Variants in PCDH7 observed in about 807,000 individuals in gnomAD.
The protein encoded by PCDH7 is protocadherin-7.
In PCDH7, 17 loss-of-function variants were observed where a neutral mutation model predicts 58.9. The observed-to-expected ratio is 0.29, with a 90% confidence interval of 0.20 to 0.43. The LOEUF (loss-of-function observed/expected upper bound fraction) is 0.43. PCDH7 is among the 20% of genes least tolerant of loss of function. The pLI, the probability that PCDH7 is intolerant of heterozygous loss-of-function variation, is 1.00. For missense variants in PCDH7, 1,274 were observed against 1,441.0 expected, an observed-to-expected ratio of 0.88 and a Z score of 1.88; for synonymous variants, 664 against 616.4, an observed-to-expected ratio of 1.08 and a Z score of -1.14.
In PCDH7 at chr4:31,052,455, T is replaced by C. The variant is rs868708144; in HGVS notation, c.*8-90018T>C. ...TTTTTAAAGTTTTATTGAGAGGTGG[T>C]AGATTAAATAATGCAATGAATTCAA... On this transcript the variant is annotated intron_variant, in intron 3 of 3. Transcript: ENST00000509759. Among the ~76,000 whole-genome samples, 8 of 152,290 alleles carry C rather than the reference T, an allele frequency of 5.3e-5. No homozygotes were observed. The South Asian group carries it at 6.2e-4, about 12-fold the overall frequency.
At chr4:30,752,321 A>C (rs1000522298) in intron 1 of PCDH7, among the ~76,000 whole-genome samples, 1 of 151,948 alleles carries the variant, frequency 6.6e-6, no homozygotes, top group Non-Finnish European at 1.5e-5. Context: ...TTTAGTAGAG[A>C]CGGGGTTTCA....
intron 1 of PCDH7, among the ~76,000 whole-genome samples, chr4:30,897,504 TATAAA>T (rs1739604081): frequency 6.6e-6 from 1 of 152,216 alleles, no homozygotes; most frequent in Non-Finnish European, 1.5e-5. Flanking sequence ...CCTTTGTTAA[TATAAA>T]ATAAGGGATT....
intron 3 of PCDH7, among the ~76,000 whole-genome samples, chr4:31,039,929 T>G (rs78676317): frequency 7.3e-4 from 111 of 152,232 alleles, no homozygotes; most frequent in Non-Finnish European, 1.0e-3. Context: ...TGTTCTCCCC[T>G]CATGTAGAAT....
chr4:31,123,865 T>C (rs1717976304), intron 3 of PCDH7, among the ~76,000 whole-genome samples: 1 of 151,922 alleles, frequency 6.6e-6, no homozygotes, highest in Admixed American at 6.6e-5. Context: ...GAGGACAAAC[T>C]CCTCTCCAAC....
At position 30,721,871 on chromosome 4, in the gene PCDH7, T is replaced by G. The variant is rs927532881; in HGVS notation, c.449T>G (p.Leu150Arg). The G allele has an allele frequency of 6.2e-6, 10 of 1,603,066 alleles. No homozygotes were observed. The highest frequency in any genetic ancestry group is 8.5e-6 in the Non-Finnish European group (10 of 1,175,514). Residue 150 changes from leucine (L) to arginine (R), a missense_variant, in exon 1 of 2, where the codon CTC becomes CGC. By Grantham distance (102) the Leu-to-Arg change is moderately radical. This residue lies in a region of PCDH7 where 212 missense variants were observed against 255.8 expected (regional missense o/e 0.83). Coordinates refer to ENST00000361762, the Ensembl canonical transcript of PCDH7. This position sits in a 1 kb window ranked among gnomAD's most constrained non-coding sequence, Gnocchi z 6.7. ...ACCTTCCCGTCGCCCGTGCTCACGC[T>G]CACGGTGGAGGAGAATCGGCCGGTG...
At chr4:30,928,757 CCT>C (rs1744205034) in intron 2 of PCDH7, among the ~76,000 whole-genome samples, 1 of 152,088 alleles carries the variant, frequency 6.6e-6, no homozygotes, top group Non-Finnish European at 1.5e-5. Flanking sequence ...GGCTGCACAT[CCT>C]CTCTCTTTAT....
intron 1 of PCDH7, among the ~76,000 whole-genome samples, chr4:30,914,993 T>C (rs1324573249): frequency 6.6e-6 from 1 of 152,218 alleles, no homozygotes; most frequent in Non-Finnish European, 1.5e-5. Context: ...CAAAATATTT[T>C]ACTGTTTTTA....
chr4:31,033,517 G>A (rs1313181433), intron 3 of PCDH7, among the ~76,000 whole-genome samples: 5 of 152,104 alleles, frequency 3.3e-5, no homozygotes, highest in East Asian at 3.9e-4. Flanking sequence ...CTCCAATTGC[G>A]TCATGTTATA....
At chr4:30,789,069 A>G (rs1176670573) in intron 1 of PCDH7, among the ~76,000 whole-genome samples, 1 of 152,056 alleles carries the variant, frequency 6.6e-6, no homozygotes, top group Non-Finnish European at 1.5e-5. Context: ...TTGCTACCTC[A>G]CCATTAGTTT....
At chr4:31,054,167 T>C (rs1756967218) in intron 3 of PCDH7, among the ~76,000 whole-genome samples, 1 of 152,116 alleles carries the variant, frequency 6.6e-6, no homozygotes, top group Admixed American at 6.6e-5. Flanking sequence ...GGTTTCACCA[T>C]GTTGCCCAGG....
downstream of PCDH7, among the ~76,000 whole-genome samples, chr4:30,734,933 T>C (rs1464668910): frequency 6.6e-6 from 1 of 152,170 alleles, no homozygotes; most frequent in Non-Finnish European, 1.5e-5. Context: ...ACCTGCTGTG[T>C]TGGCCGGAGT....
At chr4:30,979,125 G>A (rs545488530) in intron 3 of PCDH7, among the ~76,000 whole-genome samples, 2 of 152,004 alleles carry the variant, frequency 1.3e-5, no homozygotes, top group Non-Finnish European at 2.9e-5. Flanking sequence ...AGGAGATCGA[G>A]ACCATCCTGG....
intron 3 of PCDH7, among the ~76,000 whole-genome samples, chr4:31,056,519 G>GAA: frequency 1.2e-5 from 1 of 84,402 alleles, no homozygotes; most frequent in South Asian, 4.5e-4. Flanking sequence ...GAAAGAAAGG[G>GAA]GAAGGGAAGG....
chr4:30,941,898 A>G (rs1027082699), intron 2 of PCDH7, among the ~76,000 whole-genome samples: 1 of 152,000 alleles, frequency 6.6e-6, no homozygotes, highest in Admixed American at 6.6e-5. Context: ...GTGAGAAGTT[A>G]TAAAATAAAG....
At chr4:31,041,627 A>G (rs2109205058) in intron 3 of PCDH7, among the ~76,000 whole-genome samples, 1 of 152,078 alleles carries the variant, frequency 6.6e-6, no homozygotes, top group Non-Finnish European at 1.5e-5. Context: ...ATTGTCCCCA[A>G]CTAGACCATT....
chr4:31,127,995 G>GCATATATATGTGTGTC (rs1718498829), intron 3 of PCDH7, among the ~76,000 whole-genome samples: 2 of 151,146 alleles, frequency 1.3e-5, no homozygotes, highest in Admixed American at 1.3e-4. Context: ...ATATGTGTGT[G>GCATATATATGTGTGTC]CATATATATG....
chr4:31,066,591 A>G (rs1421766475), intron 3 of PCDH7, among the ~76,000 whole-genome samples: 6 of 151,894 alleles, frequency 4.0e-5, no homozygotes, highest in South Asian at 2.1e-4. Flanking sequence ...AATGAGCTCT[A>G]TTAATCTGTT....
rs147459616 is a variant in PCDH7, at chr4:30,826,642, T to C, written c.71-93511T>C. ...GAGATTTTCAAACTACCCAATGTTGTAGACCATGACGCTTACAAGAGGGTG... is the reference window on the plus strand; with the variant it reads ...GAGATTTTCAAACTACCCAATGTTGCAGACCATGACGCTTACAAGAGGGTG... On this transcript the variant is annotated intron_variant, in intron 1 of 3. Transcript: ENST00000509759. Among the ~76,000 whole-genome samples the C allele has an allele frequency of 3.3e-5, 5 of 152,290 alleles. No individual in the cohort carries two copies. In the East Asian group the frequency reaches 7.7e-4, roughly 24 times the overall value.
intron 2 of PCDH7, among the ~76,000 whole-genome samples, chr4:30,925,518 T>C (rs1320552473): frequency 6.6e-6 from 1 of 152,204 alleles, no homozygotes; most frequent in Non-Finnish European, 1.5e-5. Flanking sequence ...ATACCTGTCA[T>C]ACCTTTTTTC....
Sources: allele counts gnomAD v4.1 joint callset (sites outside exome capture counted in the v4.1 genomes callset), GRCh38; gene constraint gnomAD v4.1.1; regional missense constraint gnomAD v4.1.1; non-coding constraint Gnocchi (gnomAD v3.1); transcripts MANE v1.5; gene names NCBI Gene and HGNC (gene_info 2026-07-23, HGNC 2026-07-21).